DIS3L2: variants seen among roughly 807,000 people sequenced by gnomAD.
DIS3L2 encodes DIS3-like exonuclease 2.
DIS3L2 carries 34 observed loss-of-function variants against 97.5 expected under a neutral mutation model. The observed-to-expected ratio is 0.35, with a 90% confidence interval of 0.27 to 0.46. DIS3L2 has a LOEUF of 0.46. DIS3L2 is among the 20% of genes least tolerant of loss of function. The pLI is 1.00. For missense variants in DIS3L2, 1,038 were observed against 1,146.0 expected (o/e 0.91, Z 1.36); for synonymous variants, 435 against 445.2 (o/e 0.98, Z 0.29).
At chr2:232,015,089 T>C (rs79766624) in intron 2 of DIS3L2, 110 bp downstream of exon 2, 2 of 1,015,004 alleles carry the variant, frequency 2.0e-6, no homozygotes, top group Non-Finnish European at 2.9e-6. Flanking sequence ...TATAATTCTT[T>C]TAGTGACCTG....
At chr2:232,262,195 C>G (rs1473839615) in intron 12 of DIS3L2, among the ~76,000 whole-genome samples, 1 of 152,170 alleles carries the variant, frequency 6.6e-6, no homozygotes, top group Non-Finnish European at 1.5e-5. Flanking sequence ...CCACCTCCCC[C>G]AACCGCCCTT....
chr2:231,974,485 G>GACAGATGAAAAATC (rs1693018105), intron 1 of DIS3L2, among the ~76,000 whole-genome samples: 1 of 148,260 alleles, frequency 6.7e-6, no homozygotes, highest in Non-Finnish European at 1.5e-5. Context: ...GTCCCATTCA[G>GACAGATGAAAAATC]TGTATTTTTC....
intron 6 of DIS3L2, among the ~76,000 whole-genome samples, chr2:232,093,478 T>A (rs1696907568): frequency 6.6e-6 from 1 of 152,186 alleles, no homozygotes; most frequent in African/African-American, 2.4e-5. Context: ...AATTCTTCTT[T>A]AAATGTTTGG....
At chr2:231,981,400 T>A (rs1195460647) in intron 1 of DIS3L2, among the ~76,000 whole-genome samples, 1 of 151,662 alleles carries the variant, frequency 6.6e-6, no homozygotes, top group Non-Finnish European at 1.5e-5. Context: ...ATAATATAAT[T>A]TGTGAGTATG....
intron 2 of DIS3L2, 99 bp from the exon 3 acceptor site, chr2:232,015,415 G>T: frequency 1.4e-6 from 2 of 1,456,014 alleles, no homozygotes; most frequent in Non-Finnish European, 1.8e-6. Flanking sequence ...GTCTCTTGTT[G>T]GTCTCTTTAA....
chr2:232,259,395 A>G (rs1206313589), intron 12 of DIS3L2, among the ~76,000 whole-genome samples: 1 of 152,112 alleles, frequency 6.6e-6, no homozygotes, highest in Non-Finnish European at 1.5e-5. Context: ...TGCTTTGGGC[A>G]AGTCTCAGGT....
rs71056250 is a variant in DIS3L2, at chr2:232,000,613, TTTTCC to T, written c.-93-14177_-93-14173del. On this transcript the variant is annotated intron_variant, in intron 1 of 20. Coordinates refer to ENST00000325385, the MANE Select transcript of DIS3L2 (RefSeq NM_152383.5). ...AGGGATTTCCTTTTCCTTTCCTTTC[TTTTCC>T]TTTCCTTTCCTTTCCTTTCCTTTCC... Among the ~76,000 whole-genome samples the T allele has an allele frequency of 3.8e-3, 404 of 107,342 alleles. 5 individuals carry two copies. Among genetic ancestry groups the T allele is most frequent in the Middle Eastern group, 8.0e-3 (2 of 250 alleles). 70.4% of individuals were successfully genotyped at this position (107,342 alleles called of 152,430 possible). A position where few individuals can be genotyped will look rare whatever the true frequency, so the allele number is the denominator to read the frequency against.
intron 14 of DIS3L2, among the ~76,000 whole-genome samples, chr2:232,318,835 A>G (rs1217838283): frequency 6.6e-6 from 1 of 152,186 alleles, no homozygotes; most frequent in East Asian, 1.9e-4. Context: ...CCATCTTGTC[A>G]TGCTTGTTGG....
At chr2:232,145,332 A>G (rs972191628) in intron 8 of DIS3L2, among the ~76,000 whole-genome samples, 2 of 152,152 alleles carry the variant, frequency 1.3e-5, no homozygotes, top group African/African-American at 4.8e-5. Context: ...AGCATGTAGA[A>G]TTACAGTTAA....
In DIS3L2 at chr2:232,269,716, G is replaced by T. The variant is rs1412055142; in HGVS notation, c.1659+6276G>T. On this transcript the variant is annotated intron_variant, in intron 13 of 20. Coordinates refer to ENST00000325385, the MANE Select transcript of DIS3L2 (RefSeq NM_152383.5). The surrounding 1 kb of genome is among the most constrained non-coding windows in gnomAD (Gnocchi z 4.5). ...GCTGGTACAAGCATGGGAGGGATGA[G>T]AAATGGCAGATTGTTCCAGGGTGTG... Among the ~76,000 whole-genome samples the T allele has an allele frequency of 6.6e-6, 1 of 150,968 alleles. No individual in the cohort carries two copies. Among genetic ancestry groups the T allele is most frequent in the Non-Finnish European group, 1.5e-5 (1 of 67,994 alleles).
chr2:232,279,530 G>C (rs1049673034), intron 13 of DIS3L2, among the ~76,000 whole-genome samples: 1 of 151,502 alleles, frequency 6.6e-6, no homozygotes, highest in African/African-American at 2.4e-5. Context: ...TTGTTTGTTT[G>C]TTTGTTTGTT....
intron 12 of DIS3L2, among the ~76,000 whole-genome samples, chr2:232,258,411 C>T (rs11689218): frequency 6.6e-6 from 1 of 151,910 alleles, no homozygotes; most frequent in African/African-American, 2.4e-5. Context: ...GGTGAAACCC[C>T]GTCTCTACTA....
intron 9 of DIS3L2, chr2:232,172,628 C>T (rs1255145241): frequency 2.0e-6 from 1 of 509,044 alleles, no homozygotes; most frequent in South Asian, 1.4e-5. Context: ...TGTGGACATT[C>T]AGTTATTTTG....
At chr2:232,330,572 C>T in intron 15 of DIS3L2, 118 bp from the exon 16 acceptor site, 1 of 1,041,154 alleles carries the variant, frequency 9.6e-7, no homozygotes, top group South Asian at 1.3e-5. Flanking sequence ...CAGGGCTGAG[C>T]CCCACAGGCA....
intron 10 of DIS3L2, among the ~76,000 whole-genome samples, chr2:232,237,685 G>A (rs1222591371): frequency 6.6e-6 from 1 of 151,878 alleles, no homozygotes; most frequent in African/African-American, 2.4e-5. Context: ...GAAATGGTTG[G>A]GGGCGGGGTG....
intron 1 of DIS3L2, among the ~76,000 whole-genome samples, chr2:231,965,896 G>A (rs1354511290): frequency 1.3e-5 from 2 of 152,138 alleles, no homozygotes; most frequent in East Asian, 3.8e-4. Flanking sequence ...ACGGCTTACT[G>A]TGGCCTCGAC....
intron 11 of DIS3L2, among the ~76,000 whole-genome samples, chr2:232,241,499 G>A (rs1693080621): frequency 6.6e-6 from 1 of 152,190 alleles, no homozygotes; most frequent in Admixed American, 6.5e-5. Flanking sequence ...CAGGTCTTGG[G>A]TCCAAATACC....
At chr2:232,061,851 T>C (rs1370141637) in intron 5 of DIS3L2, among the ~76,000 whole-genome samples, 1 of 152,180 alleles carries the variant, frequency 6.6e-6, no homozygotes, top group Non-Finnish European at 1.5e-5. Flanking sequence ...AACTACCTCA[T>C]TAAGGACATG....
Position 232,334,398 on chromosome 2 carries a change from G to A in DIS3L2, c.2188G>A (p.Asp730Asn), listed in dbSNP as rs753140921. 38 of 1,613,568 alleles carry A rather than the reference G, an allele frequency of 2.4e-5. No homozygotes were observed. Among genetic ancestry groups the A allele is most frequent in the East Asian group, 6.7e-5 (3 of 44,880 alleles). ...GYRERLDMAP[D>N]TLQKQADHCN... Reference sequence around the variant, plus strand: ...TAGGGAGCGACTAGACATGGCGCCCGATACCCTGCAGAAACAGGCGGACCA... The same window carrying A: ...TAGGGAGCGACTAGACATGGCGCCCAATACCCTGCAGAAACAGGCGGACCA... Residue 730 changes from aspartate to asparagine, a missense_variant, in exon 18 of 21, where the codon GAT (aspartate) becomes AAT (asparagine). By Grantham distance (23) the Asp-to-Asn change is conservative. Transcript: ENST00000325385.
Sources: gnomAD v4.1 joint callset for allele counts (sites outside exome capture counted in the v4.1 genomes callset) on GRCh38, gnomAD v4.1.1 for gene constraint, Gnocchi (gnomAD v3.1) non-coding constraint, MANE v1.5 for transcripts, NCBI Gene and HGNC (gene_info 2026-07-23, HGNC 2026-07-21) for gene names.